Variants in ATP2B2 observed in about 807,000 individuals in gnomAD.
The protein encoded by ATP2B2 is plasma membrane calcium-transporting ATPase 2.
ATP2B2 carries 15 observed loss-of-function variants against 120.0 expected under a neutral mutation model. The ratio of observed to expected loss-of-function variants is 0.12; its 90% CI spans 0.08 to 0.19. The LOEUF is 0.19. ATP2B2 is among the 10% of genes least tolerant of loss of function. ATP2B2 has a pLI of 1.00. For missense variants in ATP2B2, 1,045 were observed against 1,719.8 expected (o/e 0.61, Z 6.94); for synonymous variants, 694 against 700.3 (o/e 0.99, Z 0.14).
At chr3:10,485,378 C>T (rs1268228753) in intron 1 of ATP2B2, among the ~76,000 whole-genome samples, 2 of 152,058 alleles carry the variant, frequency 1.3e-5, no homozygotes, top group Non-Finnish European at 2.9e-5. Context: ...CTGTGCTGGG[C>T]GAGGGCACAG....
At chr3:10,507,155 T>A (rs780619474), upstream of ATP2B2, among the ~76,000 whole-genome samples, 16 of 152,180 alleles carry the variant, frequency 1.1e-4, no homozygotes, top group Non-Finnish European at 1.9e-4. Flanking sequence ...TGGCCTCCAC[T>A]GGGGCAAGGG....
At chr3:10,520,909 G>C (rs1224176288) in intron 3 of ATP2B2, among the ~76,000 whole-genome samples, 1 of 152,162 alleles carries the variant, frequency 6.6e-6, no homozygotes, top group Non-Finnish European at 1.5e-5. Flanking sequence ...CTATGTCACT[G>C]CAGATAAACT....
chr3:10,454,281 C>A (rs2125205734), intron 1 of ATP2B2, among the ~76,000 whole-genome samples: 1 of 152,292 alleles, frequency 6.6e-6, no homozygotes, highest in Non-Finnish European at 1.5e-5. Context: ...CCGGGGTAAC[C>A]AGGAATGCCT....
chr3:10,414,097 C>G (rs1041892165), intron 2 of ATP2B2, among the ~76,000 whole-genome samples: 1 of 152,152 alleles, frequency 6.6e-6, no homozygotes, highest in Non-Finnish European at 1.5e-5. Context: ...TTCCTGGGGT[C>G]TGTTTTCACA....
In ATP2B2 at chr3:10,591,869, C is replaced by T. The variant is rs2068651960; in HGVS notation, c.-415+28048G>A. On this transcript the variant is annotated intron_variant, in intron 2 of 21. Coordinates refer to the ATP2B2 transcript ENST00000646379. ...CAATTCCTGACCTTCAATTCCAGGG[C>T]ATCTTCATCAGCCAGGGATCAGGGC... 2.0e-5 allele frequency among the ~76,000 whole-genome samples: 3 copies of T among 152,162 alleles called. 1 individual carries two copies. In the South Asian group the frequency reaches 6.2e-4, roughly 32 times the overall value.
chr3:10,630,658 G>C (rs1275028566), intron 1 of ATP2B2, among the ~76,000 whole-genome samples: 2 of 152,152 alleles, frequency 1.3e-5, no homozygotes, highest in Non-Finnish European at 2.9e-5. Context: ...CAGAGCCCCA[G>C]TTTCCTCATC....
intron 1 of ATP2B2, among the ~76,000 whole-genome samples, chr3:10,501,935 G>A (rs145584769): frequency 0.015 from 2,334 of 152,290 alleles, 34 homozygotes; most frequent in Admixed American, 0.028. Context: ...TAGCCCCTGG[G>A]ACCTCCTGAT....
At chr3:10,410,196 T>TACATAGC (rs2062560074) in intron 3 of ATP2B2, among the ~76,000 whole-genome samples, 3 of 152,012 alleles carry the variant, frequency 2.0e-5, no homozygotes, top group Non-Finnish European at 4.4e-5. Flanking sequence ...TGGTACTTAG[T>TACATAGC]TACATGAGTA....
At chr3:10,451,253 T>C (rs1354925101) in intron 1 of ATP2B2, among the ~76,000 whole-genome samples, 1 of 152,180 alleles carries the variant, frequency 6.6e-6, no homozygotes, top group African/African-American at 2.4e-5. Flanking sequence ...TGCTCCCGCG[T>C]TTGTCTCCGA....
chr3:10,403,095 T>TG (rs2062282019), intron 3 of ATP2B2, among the ~76,000 whole-genome samples: 1 of 152,148 alleles, frequency 6.6e-6, no homozygotes, highest in African/African-American at 2.4e-5. Context: ...TGCATGATTT[T>TG]GGGTAAGTCA....
upstream of ATP2B2, among the ~76,000 whole-genome samples, chr3:10,509,425 G>A (rs568318905): frequency 8.5e-5 from 13 of 152,090 alleles, no homozygotes; most frequent in African/African-American, 2.9e-4. Context: ...ATTTCCAAAG[G>A]TCTCTCACAT....
At chr3:10,440,405 A>G (rs980419212) in intron 2 of ATP2B2, among the ~76,000 whole-genome samples, 13 of 152,222 alleles carry the variant, frequency 8.5e-5, no homozygotes, top group African/African-American at 3.1e-4. Flanking sequence ...CCAACCTGAC[A>G]GTCTACATAC....
chr3:10,397,870 T>C (rs1033521242), intron 5 of ATP2B2, among the ~76,000 whole-genome samples: 2 of 152,344 alleles, frequency 1.3e-5, no homozygotes, highest in Admixed American at 6.5e-5. Context: ...TTTTGTCTGA[T>C]AATGGTCCCA....
At chr3:10,480,448 T>C (rs982569947) in intron 1 of ATP2B2, among the ~76,000 whole-genome samples, 1 of 152,292 alleles carries the variant, frequency 6.6e-6, no homozygotes, top group Admixed American at 6.5e-5. Flanking sequence ...CTGCCAGATC[T>C]GGGCAGGGAC....
At chr3:10,692,354 C>T (rs2071680039) in intron 1 of ATP2B2, among the ~76,000 whole-genome samples, 2 of 152,144 alleles carry the variant, frequency 1.3e-5, no homozygotes, top group African/African-American at 2.4e-5. Context: ...TTGTGGGCGC[C>T]GAGGCTTGCC....
chr3:10,577,919 A>G (rs145819423), intron 2 of ATP2B2, among the ~76,000 whole-genome samples: 1 of 152,282 alleles, frequency 6.6e-6, no homozygotes, highest in East Asian at 1.9e-4. Context: ...AGAAAACACT[A>G]ATAACTATTG....
intron 2 of ATP2B2, among the ~76,000 whole-genome samples, chr3:10,597,796 C>T (rs1051588261): frequency 2.0e-5 from 3 of 152,220 alleles, no homozygotes; most frequent in African/African-American, 7.2e-5. Context: ...ACATACATTT[C>T]AGCTGCTGCA....
rs1024284108 is a variant in ATP2B2, at chr3:10,325,604, C to T, written c.*3210G>A. 2.6e-5 allele frequency: 4 copies of T among 152,212 alleles called. No homozygotes were observed. Among genetic ancestry groups the T allele is most frequent in the African/African-American group, 9.7e-5 (4 of 41,436 alleles). 9.4% of individuals were successfully genotyped at this position (152,212 alleles called of 1,614,324 possible). ...AATAGGACTGCCTCTCTCTTGTCAT[C>T]TCTATGCTATGGTTGGGACAAGGGG... On this transcript the variant is annotated 3_prime_UTR_variant, in exon 23 of 23. Transcript: ENST00000360273.
chr3:10,358,999 C>A (rs1330338306), intron 13 of ATP2B2, 74 bp from the exon 14 acceptor site: 2 of 1,389,684 alleles, frequency 1.4e-6, no homozygotes, highest in East Asian at 2.4e-5. Flanking sequence ...CACCTCCCCA[C>A]CCTCGTGATG....
Sources: allele counts gnomAD v4.1 joint callset (sites outside exome capture counted in the v4.1 genomes callset), GRCh38; gene constraint gnomAD v4.1.1; transcripts MANE v1.5; gene names NCBI Gene and HGNC (gene_info 2026-07-23, HGNC 2026-07-21).